Variants in LGSN observed in about 807,000 individuals in gnomAD.
LGSN encodes the protein lengsin.
A neutral mutation model predicts 19.5 loss-of-function variants in LGSN; 21 were observed. The observed-to-expected ratio is 1.07, with a 90% CI of 0.76 to 1.55. The LOEUF (loss-of-function observed/expected upper bound fraction) is 1.55. LGSN is among the 40% of genes most tolerant of loss of function. LGSN has a pLI of 0.00. For synonymous variants in LGSN, 257 were observed against 215.6 expected, an observed-to-expected ratio of 1.19 and a Z score of -1.68; for missense variants, 673 against 608.5, an observed-to-expected ratio of 1.11 and a Z score of -1.12.
chr6:63,291,603 G>A (rs1424062008), intron 2 of LGSN, among the ~76,000 whole-genome samples: 1 of 152,186 alleles, frequency 6.6e-6, no homozygotes, highest in Non-Finnish European at 1.5e-5. Context: ...ATAGGATAGG[G>A]ACATGGTGGG....
chr6:63,529,157 A>G, the LGSN span, among the ~76,000 whole-genome samples: 2 of 103,086 alleles, frequency 1.9e-5, no homozygotes, highest in African/African-American at 5.0e-5. Context: ...ATGTATATAT[A>G]TGTGTGTATA....
the LGSN span, among the ~76,000 whole-genome samples, chr6:63,346,052 A>G: frequency 5.9e-5 from 9 of 152,174 alleles, no homozygotes; most frequent in African/African-American, 2.2e-4. Flanking sequence ...GGAAATATCT[A>G]TTTGGTCTCT....
At chr6:63,316,579 G>C (rs139483889) in intron 1 of LGSN, among the ~76,000 whole-genome samples, 3,181 of 152,128 alleles carry the variant, frequency 0.021, 55 homozygotes, top group Non-Finnish European at 0.032. Flanking sequence ...TATTTAGTAT[G>C]TTCATAATTA....
upstream of LGSN, chr6:63,320,043 T>C: frequency 1.1e-6 from 1 of 909,818 alleles, no homozygotes; most frequent in Non-Finnish European, 1.8e-6. Flanking sequence ...CTGCAGATGA[T>C]GAATTCCATA....
At chr6:63,527,710 GA>G in the LGSN span, 1 of 152,128 alleles carries the variant, frequency 6.6e-6, no homozygotes, top group Non-Finnish European at 1.5e-5. Flanking sequence ...TCTGGAATTC[GA>G]AAAGGGCTCT....
At chr6:63,551,862 G>C in the LGSN span, among the ~76,000 whole-genome samples, 1 of 152,174 alleles carries the variant, frequency 6.6e-6, no homozygotes, top group South Asian at 2.1e-4. Flanking sequence ...TCCCTACAAA[G>C]GACATGAACT....
chr6:63,294,571 T>G (rs1767902883), intron 2 of LGSN, among the ~76,000 whole-genome samples: 1 of 152,058 alleles, frequency 6.6e-6, no homozygotes, highest in Admixed American at 6.6e-5. Flanking sequence ...CATACCTTTC[T>G]TATGGCCCCT....
the LGSN span, among the ~76,000 whole-genome samples, chr6:63,334,576 T>C: frequency 6.6e-6 from 1 of 152,116 alleles, no homozygotes; most frequent in Non-Finnish European, 1.5e-5. Context: ...TATCAAAATA[T>C]TAATGTCGCT....
At chr6:63,321,070 T>C (rs766204676), upstream of LGSN, among the ~76,000 whole-genome samples, 4 of 152,170 alleles carry the variant, frequency 2.6e-5, no homozygotes, top group African/African-American at 9.7e-5. Context: ...ATATGGCTGT[T>C]TTGGACTCTT....
chr6:63,377,908 C>A, the LGSN span, among the ~76,000 whole-genome samples: 2 of 84,522 alleles, frequency 2.4e-5, no homozygotes, highest in African/African-American at 5.3e-5. Flanking sequence ...AGAGAGACTC[C>A]ATCTCAAAAA....
Position 63,280,862 on chromosome 6 carries a change from G to A in LGSN, c.689C>T (p.Thr230Ile), listed in dbSNP as rs777407155. The change falls in exon 4 of 4, where the codon ACA becomes ATA. Residue 230 changes from threonine to isoleucine, a missense_variant. Thr to Ile is a moderately conservative substitution (Grantham distance 89). Transcript: ENST00000370657. Reference sequence around the variant, plus strand: ...GGGCTGATCATGGTTATTTAAAAATGTTAAAGCAGGAAAAGATATAATCTT... The same window carrying A: ...GGGCTGATCATGGTTATTTAAAAATATTAAAGCAGGAAAAGATATAATCTT... ...NSKIISFPAL[T>I]FLNNHDQPFM... The A allele has an allele frequency of 2.5e-6, 4 of 1,613,938 alleles. No homozygotes were observed. Among genetic ancestry groups the A allele is most frequent in the East Asian group, 2.2e-5 (1 of 44,880 alleles).
chr6:63,531,636 C>T, the LGSN span, among the ~76,000 whole-genome samples: 29 of 150,642 alleles, frequency 1.9e-4, no homozygotes, highest in African/African-American at 6.3e-4. Context: ...ACTATAGGCA[C>T]GAGCCACCAT....
the LGSN span, among the ~76,000 whole-genome samples, chr6:63,490,099 A>G: frequency 1.3e-5 from 2 of 152,240 alleles, no homozygotes; most frequent in Non-Finnish European, 2.9e-5. Context: ...TCTATTACAT[A>G]GGAAAAGAAA....
the LGSN span, among the ~76,000 whole-genome samples, chr6:63,563,522 C>T: frequency 5.9e-5 from 9 of 152,184 alleles, no homozygotes; most frequent in East Asian, 5.8e-4. Flanking sequence ...AGTAAGTCAC[C>T]CCAGCCATTC....
In LGSN at chr6:63,281,092, T is replaced by G; in HGVS notation, c.459A>C (p.Leu153Phe). 1 of 1,613,972 alleles carries G rather than the reference T, an allele frequency of 6.2e-7. No homozygotes were observed. ...FNSDIVLMPE[L>F]STFRVLPWAD... ...CCCATGGCAAAACTCTAAAGGTTGA[T>G]AACTCTGGCATTAGGACTATGTCGC... Residue 153 changes from leucine (L) to phenylalanine (F), a missense_variant, in exon 4 of 4, where the codon TTA (leucine) becomes TTC (phenylalanine). Transcript: ENST00000370657.
chr6:63,445,326 A>G, the LGSN span, among the ~76,000 whole-genome samples: 3 of 151,766 alleles, frequency 2.0e-5, no homozygotes, highest in Non-Finnish European at 1.5e-5. Context: ...AATAAAAATA[A>G]TCTCATGCTG....
chr6:63,390,427 C>A, the LGSN span, among the ~76,000 whole-genome samples: 1 of 151,538 alleles, frequency 6.6e-6, no homozygotes, highest in Non-Finnish European at 1.5e-5. Context: ...ATTGTGCCAG[C>A]CGGATTCCAC....
chr6:63,509,709 C>A, the LGSN span, among the ~76,000 whole-genome samples: 1 of 152,134 alleles, frequency 6.6e-6, no homozygotes, highest in African/African-American at 2.4e-5. Context: ...GCATTTAATA[C>A]GTTATAACAG....
At chr6:63,511,433 A>C in the LGSN span, among the ~76,000 whole-genome samples, 1 of 151,742 alleles carries the variant, frequency 6.6e-6, no homozygotes, top group African/African-American at 2.4e-5. Flanking sequence ...TTTGTACTTC[A>C]TTAGTAGAGA....
Sources: gnomAD v4.1 joint callset for allele counts (sites outside exome capture counted in the v4.1 genomes callset) on GRCh38, gnomAD v4.1.1 for gene constraint, MANE v1.5 for transcripts, NCBI Gene and HGNC (gene_info 2026-07-23, HGNC 2026-07-21) for gene names.